ZNF804B: variants seen among roughly 807,000 people sequenced by gnomAD.
The protein encoded by ZNF804B is zinc finger protein 804B.
ZNF804B carries 80 observed loss-of-function variants against 101.4 expected under a neutral mutation model. That is an observed-to-expected ratio of 0.79 (90% CI 0.66 to 0.95). ZNF804B has a LOEUF of 0.95. Ranked by LOEUF, ZNF804B falls within the 40% of genes least tolerant of loss-of-function variation. The pLI is 0.00. For missense variants in ZNF804B, 1,673 were observed against 1,561.9 expected (o/e 1.07, Z -1.20); for synonymous variants, 622 against 558.8 (o/e 1.11, Z -1.59).
At chr7:88,987,055 G>T (rs10230089) in intron 1 of ZNF804B, among the ~76,000 whole-genome samples, 55,851 of 151,860 alleles carry the variant, frequency 0.37, 12,559 homozygotes, top group African/African-American at 0.64. Context: ...GTCTGATTTT[G>T]TTCTGCCTTT....
At chr7:88,925,561 A>G (rs73397327) in intron 1 of ZNF804B, among the ~76,000 whole-genome samples, 7,408 of 152,228 alleles carry the variant, frequency 0.049, 599 homozygotes, top group African/African-American at 0.17. Flanking sequence ...TCTGCAAGCC[A>G]TGGAGAGAGG....
intron 1 of ZNF804B, among the ~76,000 whole-genome samples, chr7:89,006,715 A>G (rs1029069409): frequency 4.6e-5 from 7 of 152,160 alleles, no homozygotes; most frequent in Non-Finnish European, 8.8e-5. Flanking sequence ...TTCTCTCACC[A>G]GCAAACACTG....
At chr7:88,768,121 T>G (rs1258395657) in intron 1 of ZNF804B, among the ~76,000 whole-genome samples, 1 of 152,234 alleles carries the variant, frequency 6.6e-6, no homozygotes, top group Non-Finnish European at 1.5e-5. Flanking sequence ...TAAAAATGAA[T>G]GATGAACAAT....
chr7:88,835,238 A>C (rs1396099430), intron 1 of ZNF804B, among the ~76,000 whole-genome samples: 4 of 151,852 alleles, frequency 2.6e-5, no homozygotes, highest in African/African-American at 9.7e-5. Flanking sequence ...TCACTTTTCT[A>C]TCTCTGTTGC....
intron 1 of ZNF804B, among the ~76,000 whole-genome samples, chr7:88,786,160 T>C (rs895297434): frequency 7.9e-5 from 12 of 152,110 alleles, no homozygotes; most frequent in East Asian, 5.8e-4. Flanking sequence ...ATATTTGTCA[T>C]ATACTCCCAG....
chr7:88,780,921 T>C (rs886635744), intron 1 of ZNF804B, among the ~76,000 whole-genome samples: 3 of 152,198 alleles, frequency 2.0e-5, no homozygotes, highest in Non-Finnish European at 4.4e-5. Context: ...TATTTTATAA[T>C]GTACTAATTC....
chr7:88,916,145 G>A (rs951368666), intron 1 of ZNF804B, among the ~76,000 whole-genome samples: 7 of 152,102 alleles, frequency 4.6e-5, no homozygotes, highest in East Asian at 3.9e-4. Context: ...TCAGGAGAAA[G>A]AATATAGAAG....
At chr7:88,761,727 T>C (rs1047797296) in intron 1 of ZNF804B, among the ~76,000 whole-genome samples, 76 of 152,252 alleles carry the variant, frequency 5.0e-4, no homozygotes, top group African/African-American at 1.8e-3. Flanking sequence ...GGCATTGTAC[T>C]GTTTGTGCCT....
At chr7:88,782,102 C>CGTGTGTGTGT (rs72225764) in intron 1 of ZNF804B, among the ~76,000 whole-genome samples, 8 of 142,090 alleles carry the variant, frequency 5.6e-5, no homozygotes, top group African/African-American at 1.9e-4. Context: ...TGTGTGAGTG[C>CGTGTGTGTGT]GTGTGTGTGT....
chr7:89,027,336 A>G (rs1287074094), intron 1 of ZNF804B, among the ~76,000 whole-genome samples: 2 of 152,192 alleles, frequency 1.3e-5, no homozygotes, highest in Non-Finnish European at 2.9e-5. Flanking sequence ...GATGTTCGAT[A>G]GGAAAAGGAT....
At chr7:88,808,961 C>G (rs1482290770) in intron 1 of ZNF804B, among the ~76,000 whole-genome samples, 2 of 152,142 alleles carry the variant, frequency 1.3e-5, no homozygotes, top group African/African-American at 4.8e-5. Flanking sequence ...CTTCAATTGG[C>G]TAAGAAGGTA....
At chr7:89,011,415 T>A (rs1425680288) in intron 1 of ZNF804B, among the ~76,000 whole-genome samples, 2 of 152,042 alleles carry the variant, frequency 1.3e-5, no homozygotes, top group African/African-American at 4.8e-5. Context: ...TACCCGAAAG[T>A]CTTAACTTAT....
chr7:89,319,926 C>A (rs1019554742), intron 2 of ZNF804B, among the ~76,000 whole-genome samples: 2 of 152,026 alleles, frequency 1.3e-5, no homozygotes, highest in African/African-American at 4.8e-5. Flanking sequence ...ATGCATTAAT[C>A]TGTACTGTTC....
At chr7:89,284,140 TAA>T (rs1790141657) in intron 2 of ZNF804B, among the ~76,000 whole-genome samples, 4 of 152,178 alleles carry the variant, frequency 2.6e-5, no homozygotes, top group African/African-American at 7.2e-5. Flanking sequence ...CATAACTGAA[TAA>T]AAGTGACCGT....
chr7:89,215,339 G>A (rs1170851613), intron 1 of ZNF804B, among the ~76,000 whole-genome samples: 3 of 152,052 alleles, frequency 2.0e-5, no homozygotes, highest in African/African-American at 7.2e-5. Context: ...CTTAAAGAAC[G>A]TTTTAGAAAT....
chr7:88,923,584 A>G (rs965456854), intron 1 of ZNF804B, among the ~76,000 whole-genome samples: 3 of 152,116 alleles, frequency 2.0e-5, no homozygotes, highest in East Asian at 1.9e-4. Context: ...ATGGTTGACA[A>G]TGTTTGCCTT....
At chr7:89,315,306 C>T (rs988438308) in intron 2 of ZNF804B, among the ~76,000 whole-genome samples, 1 of 152,136 alleles carries the variant, frequency 6.6e-6, no homozygotes, top group Admixed American at 6.6e-5. Context: ...GCCGCAGCTC[C>T]ACCACTGGGG....
chr7:89,330,216 G>GGGC (rs1368888716), intron 3 of ZNF804B, among the ~76,000 whole-genome samples: 1 of 151,630 alleles, frequency 6.6e-6, no homozygotes, highest in Non-Finnish European at 1.5e-5. Context: ...TGGTTTCAAG[G>GGGC]GGCGGGCTGG....
chr7:89,181,579 G>A (rs1025191114), intron 1 of ZNF804B, among the ~76,000 whole-genome samples: 4 of 151,752 alleles, frequency 2.6e-5, no homozygotes, highest in African/African-American at 4.8e-5. Context: ...ATGGGGGAGG[G>A]GTGGTCTCCA....
Sources: gnomAD v4.1 joint callset for allele counts (sites outside exome capture counted in the v4.1 genomes callset) on GRCh38, gnomAD v4.1.1 for gene constraint, MANE v1.5 for transcripts, NCBI Gene and HGNC (gene_info 2026-07-23, HGNC 2026-07-21) for gene names.